The following DPT variants were observed in gnomAD, a reference collection of about 807,000 sequenced individuals.
DPT encodes the protein dermatopontin.
In DPT, 21 loss-of-function variants were observed where a neutral mutation model predicts 31.2. That is an observed-to-expected ratio of 0.67 (90% CI 0.48 to 0.97). The LOEUF (loss-of-function observed/expected upper bound fraction) is 0.97, where lower values mean the gene tolerates loss of function less well. Ranked by LOEUF, DPT falls within the 50% of genes least tolerant of loss-of-function variation. The pLI is 0.00. For missense variants in DPT, 262 were observed against 258.8 expected (o/e 1.01, Z -0.08); for synonymous variants, 91 against 86.9 (o/e 1.05, Z -0.26).
intron 1 of DPT, among the ~76,000 whole-genome samples, chr1:168,721,342 C>T (rs1395994359): frequency 1.3e-5 from 2 of 152,138 alleles, no homozygotes; most frequent in Non-Finnish European, 2.9e-5. Context: ...GACAGTATTA[C>T]ACAAAAACTA....
chr1:168,726,102 T>C (rs1315216529), intron 1 of DPT, among the ~76,000 whole-genome samples: 1 of 152,142 alleles, frequency 6.6e-6, no homozygotes, highest in Non-Finnish European at 1.5e-5. Context: ...TTGTTTTGCA[T>C]GTTTGTGAGT....
chr1:168,702,637 A>G (rs1649626912), intron 2 of DPT, among the ~76,000 whole-genome samples: 2 of 137,748 alleles, frequency 1.5e-5, no homozygotes, highest in African/African-American at 5.9e-5. Context: ...TTTGAGACCA[A>G]GTCTCACTCT....
At chr1:168,722,259 A>T (rs994994075) in intron 1 of DPT, among the ~76,000 whole-genome samples, 4 of 152,226 alleles carry the variant, frequency 2.6e-5, no homozygotes, top group African/African-American at 7.2e-5. Flanking sequence ...ATTAAAATGT[A>T]ATAAATATTC....
At chr1:168,702,796 G>T (rs564901892) in intron 2 of DPT, among the ~76,000 whole-genome samples, 1 of 152,058 alleles carries the variant, frequency 6.6e-6, no homozygotes, top group East Asian at 1.9e-4. Flanking sequence ...ATTTTTAATA[G>T]GGACGGGGTT....
intron 2 of DPT, among the ~76,000 whole-genome samples, chr1:168,706,554 A>G (rs1325016792): frequency 2.0e-5 from 3 of 152,216 alleles, no homozygotes; most frequent in Non-Finnish European, 4.4e-5. Flanking sequence ...TCTTCCCACA[A>G]GAGCTGGGGA....
rs555644352 is a variant in DPT at position 168,724,937 on chromosome 1, T to C, written c.305+3933A>G. Among the ~76,000 whole-genome samples the C allele has an allele frequency of 5.9e-5, 9 of 152,332 alleles. No homozygotes were observed. The South Asian group carries it at 1.9e-3, about 32-fold the overall frequency. On this transcript the variant is annotated intron_variant, in intron 1 of 3. Coordinates refer to ENST00000367817, the MANE Select transcript of DPT (RefSeq NM_001937.5). ...TCCAAAACTTCTCCTTGAGATTCTTTGAAGCCCGGGGTAAAAAGTAGATAC... is the reference window on the plus strand; with the variant it reads ...TCCAAAACTTCTCCTTGAGATTCTTCGAAGCCCGGGGTAAAAAGTAGATAC...
Position 168,696,492 on chromosome 1 carries a change from G to A in DPT, c.*57C>T, listed in dbSNP as rs1649468334. 4 of 1,446,938 alleles carry A rather than the reference G, an allele frequency of 2.8e-6. No individual in the cohort carries two copies. The highest frequency in any genetic ancestry group is 3.4e-5 in the African/African-American group (2 of 59,010). 89.6% of individuals were successfully genotyped at this position (1,446,938 alleles called of 1,614,324 possible). A position where few individuals can be genotyped will look rare whatever the true frequency, so the allele number is the denominator to read the frequency against. ...AGATCCAACTGATGTTAACATATGT[G>A]GACACCCTCCTGTCCCCGGCCCCTT... On this transcript the variant is annotated 3_prime_UTR_variant, in exon 4 of 4. Transcript: ENST00000367817.
intron 1 of DPT, among the ~76,000 whole-genome samples, chr1:168,727,947 C>T (rs1421893650): frequency 2.1e-4 from 32 of 152,120 alleles, no homozygotes. Flanking sequence ...TGGGCTTCCT[C>T]CTCCCTGGAC....
chr1:168,698,998 G>GC (rs549752569), intron 3 of DPT, among the ~76,000 whole-genome samples: 121 of 152,214 alleles, frequency 7.9e-4, no homozygotes, highest in South Asian at 1.7e-3. Flanking sequence ...TTAAATTAAT[G>GC]CAATGACATA....
chr1:168,706,712 C>T (rs975618766), intron 2 of DPT, among the ~76,000 whole-genome samples: 2 of 152,166 alleles, frequency 1.3e-5, no homozygotes, highest in Non-Finnish European at 2.9e-5. Context: ...TCAAACATTT[C>T]AGACATGTAT....
At chr1:168,699,176 C>G (rs1480249561) in intron 3 of DPT, among the ~76,000 whole-genome samples, 1 of 152,124 alleles carries the variant, frequency 6.6e-6, no homozygotes, top group Non-Finnish European at 1.5e-5. Flanking sequence ...CTTTCTTAAA[C>G]AGGGAACATA....
At chr1:168,712,751 A>C (rs1649895799) in intron 2 of DPT, among the ~76,000 whole-genome samples, 1 of 152,206 alleles carries the variant, frequency 6.6e-6, no homozygotes, top group Admixed American at 6.5e-5. Context: ...ACAACCTGAA[A>C]GATCTTCTAG....
Position 168,701,003 on chromosome 1 carries a change from G to C in DPT, c.539+14C>G. ...TTTAACCCTAGCCCATTGGGAAGGG[G>C]CTGTCTTTCTCACCTTTCCACTGCA... On this transcript the variant is annotated intron_variant, in intron 3 of 3. Coordinates refer to ENST00000367817, the MANE Select transcript of DPT (RefSeq NM_001937.5). The C allele has an allele frequency of 6.3e-7, 1 of 1,595,924 alleles. No individual in the cohort carries two copies. The highest frequency in any genetic ancestry group is 1.7e-4 in the Middle Eastern group (1 of 6,018).
intron 3 of DPT, 59 bp downstream of exon 3, chr1:168,700,958 A>C: frequency 4.5e-6 from 5 of 1,121,876 alleles, no homozygotes; most frequent in Non-Finnish European, 6.7e-6. Flanking sequence ...AAATCCTTGC[A>C]GGGAGTTAGT....
At chr1:168,713,309 G>GA (rs1649906446) in intron 2 of DPT, among the ~76,000 whole-genome samples, 1 of 152,184 alleles carries the variant, frequency 6.6e-6, no homozygotes, top group South Asian at 2.1e-4. Context: ...ACTTTAAAAA[G>GA]AAAAACGTTA....
intron 2 of DPT, among the ~76,000 whole-genome samples, chr1:168,713,067 A>G (rs115835302): frequency 2.2e-3 from 334 of 152,276 alleles, no homozygotes; most frequent in African/African-American, 7.8e-3. Context: ...CTGAAACTCA[A>G]GTTTCTTTTT....
Position 168,728,771 on chromosome 1 carries a change from C to G in DPT, c.305+99G>C. The G allele has an allele frequency of 2.7e-6, 4 of 1,466,392 alleles. No homozygotes were observed. In the South Asian group the frequency reaches 5.2e-5, roughly 19 times the overall value. The allele number at this position is 1,466,392 out of a possible 1,614,324, so 90.8% of individuals were successfully genotyped here. ...AGGTTTGGGGTGGGATTTGCCCAGG[C>G]TTTGGTTACTGATATTCCTTGAGAG... is the stretch of plus-strand genomic sequence containing the variant. On this transcript the variant is annotated intron_variant, in intron 1 of 3. Transcript: ENST00000367817.
In DPT at chr1:168,718,934, G is replaced by A. The variant is rs187387645; in HGVS notation, c.306-4588C>T. Reference sequence around the variant, plus strand: ...TGGTGGATTCATAGGCCCTCCCTGAGCTGCTGTTTCCCTAAAACAAAGCTC... The same window carrying A: ...TGGTGGATTCATAGGCCCTCCCTGAACTGCTGTTTCCCTAAAACAAAGCTC... On this transcript the variant is annotated intron_variant, in intron 1 of 3. Transcript: ENST00000367817. 4.9e-3 allele frequency among the ~76,000 whole-genome samples: 742 copies of A among 152,254 alleles called. 8 individuals are homozygous for A. Among genetic ancestry groups the A allele is most frequent in the Admixed American group, 6.4e-3 (98 of 15,302 alleles).
At chr1:168,722,003 A>G (rs1229795156) in intron 1 of DPT, among the ~76,000 whole-genome samples, 1 of 152,230 alleles carries the variant, frequency 6.6e-6, no homozygotes, top group Non-Finnish European at 1.5e-5. Context: ...CACAGGACAG[A>G]GCGAGAATGC....
Sources: allele counts gnomAD v4.1 joint callset (sites outside exome capture counted in the v4.1 genomes callset), GRCh38; gene constraint gnomAD v4.1.1; transcripts MANE v1.5; gene names NCBI Gene and HGNC (gene_info 2026-07-23, HGNC 2026-07-21).